RBFOX1: variants seen among roughly 807,000 people sequenced by gnomAD.
The protein encoded by RBFOX1 is RNA binding fox-1 homolog 1.
A neutral mutation model predicts 57.7 loss-of-function variants in RBFOX1; 8 were observed. That is an observed-to-expected ratio of 0.14 (90% CI 0.08 to 0.25). The LOEUF is 0.25. RBFOX1 is among the 10% of genes least tolerant of loss of function. The pLI, the probability that RBFOX1 is intolerant of heterozygous loss-of-function variation, is 1.00. For synonymous variants in RBFOX1, 326 were observed against 222.4 expected, an observed-to-expected ratio of 1.47 and a Z score of -4.15; for missense variants, 611 against 548.5, an observed-to-expected ratio of 1.11 and a Z score of -1.14.
At chr16:7,213,588 C>G (rs1309917225) in intron 4 of RBFOX1, among the ~76,000 whole-genome samples, 1 of 151,806 alleles carries the variant, frequency 6.6e-6, no homozygotes, top group Admixed American at 6.6e-5. Context: ...GGTGGGAAAT[C>G]ATTCCCTTGG....
At chr16:6,934,335 A>G (rs75677044) in intron 3 of RBFOX1, among the ~76,000 whole-genome samples, 115 of 152,340 alleles carry the variant, frequency 7.5e-4, no homozygotes, top group African/African-American at 2.8e-3. Context: ...TTATCAATAC[A>G]GAATACGTAT....
At chr16:5,363,501 T>C (rs2065613286) in intron 1 of RBFOX1, among the ~76,000 whole-genome samples, 1 of 152,180 alleles carries the variant, frequency 6.6e-6, no homozygotes, top group African/African-American at 2.4e-5. Flanking sequence ...AAAAGTCCCA[T>C]GGGCTTCAGG....
intron 4 of RBFOX1, among the ~76,000 whole-genome samples, chr16:5,922,161 G>A (rs923261844): frequency 1.3e-5 from 2 of 151,884 alleles, no homozygotes; most frequent in South Asian, 4.2e-4. Context: ...ACCCTGTCTC[G>A]ACAAAGAAAC....
chr16:5,295,325 C>G (rs1294798543), intron 1 of RBFOX1, among the ~76,000 whole-genome samples: 4 of 152,304 alleles, frequency 2.6e-5, no homozygotes, highest in African/African-American at 9.6e-5. Context: ...TGATGTAAGA[C>G]AGTTTTTATA....
intron 4 of RBFOX1, among the ~76,000 whole-genome samples, chr16:7,341,465 G>T (rs1269351898): frequency 6.6e-6 from 1 of 152,158 alleles, no homozygotes; most frequent in African/African-American, 2.4e-5. Flanking sequence ...CTCAGAGGTT[G>T]CGTAGGGGGG....
intron 1 of RBFOX1, among the ~76,000 whole-genome samples, chr16:6,083,808 A>G (rs7201476): frequency 0.096 from 14,611 of 151,890 alleles, 1,075 homozygotes; most frequent in East Asian, 0.37. Context: ...CTCAACTCCA[A>G]TATAGCCCTT....
intron 3 of RBFOX1, among the ~76,000 whole-genome samples, chr16:5,793,437 T>C (rs1038371452): frequency 6.6e-6 from 1 of 152,256 alleles, no homozygotes; most frequent in Admixed American, 6.5e-5. Flanking sequence ...CCCGTTGGCA[T>C]GGGTGCTGGG....
chr16:7,092,511 C>A (rs575708755), intron 4 of RBFOX1, among the ~76,000 whole-genome samples: 5 of 152,168 alleles, frequency 3.3e-5, no homozygotes, highest in Non-Finnish European at 5.9e-5. Flanking sequence ...AGTGTTCCAG[C>A]GAATGGCGAT....
intron 5 of RBFOX1, among the ~76,000 whole-genome samples, 178 bp downstream of exon 5, chr16:7,518,567 A>G (rs1248779323): frequency 2.6e-5 from 4 of 152,194 alleles, no homozygotes; most frequent in Non-Finnish European, 5.9e-5. Context: ...ATTCATTCTT[A>G]GCGTTCATTT....
At chr16:7,206,679 C>A (rs1218133730) in intron 4 of RBFOX1, among the ~76,000 whole-genome samples, 1 of 152,050 alleles carries the variant, frequency 6.6e-6, no homozygotes, top group Non-Finnish European at 1.5e-5. Flanking sequence ...ATCCTGAAGT[C>A]CTGACAAGCA....
intron 2 of RBFOX1, among the ~76,000 whole-genome samples, chr16:6,384,361 T>C (rs1323982058): frequency 6.6e-6 from 1 of 152,230 alleles, no homozygotes; most frequent in Non-Finnish European, 1.5e-5. Flanking sequence ...AATTGCATTT[T>C]TCCCTGCCCC....
intron 1 of RBFOX1, among the ~76,000 whole-genome samples, chr16:6,114,517 A>C (rs763157181): frequency 2.0e-5 from 3 of 151,884 alleles, no homozygotes; most frequent in Admixed American, 6.6e-5. Flanking sequence ...TTTATTCCTC[A>C]TTTTTCTAAT....
intron 1 of RBFOX1, among the ~76,000 whole-genome samples, chr16:5,396,340 A>AATAG (rs1273092299): frequency 3.3e-5 from 5 of 152,156 alleles, no homozygotes; most frequent in African/African-American, 1.2e-4. Flanking sequence ...TAGGTGGCTG[A>AATAG]ATAGATGAAA....
chr16:7,304,243 A>G (rs2096115111), intron 4 of RBFOX1: 1 of 983,120 alleles, frequency 1.0e-6, no homozygotes, highest in Non-Finnish European at 1.2e-6. Context: ...AGAGAGAGAG[A>G]GAGACAGCGC....
chr16:7,025,500 C>T (rs1389458381), intron 3 of RBFOX1, among the ~76,000 whole-genome samples: 2 of 152,156 alleles, frequency 1.3e-5, no homozygotes, highest in Admixed American at 6.5e-5. Flanking sequence ...TTGTACCCAG[C>T]CCCTATGGAA....
chr16:6,142,008 G>T (rs1315259713), intron 1 of RBFOX1, among the ~76,000 whole-genome samples: 1 of 150,962 alleles, frequency 6.6e-6, no homozygotes, highest in East Asian at 2.0e-4. Flanking sequence ...GCAGTGAGCT[G>T]AGATCATGCC....
chr16:6,604,163 T>C (rs986280862), intron 2 of RBFOX1, among the ~76,000 whole-genome samples: 1 of 151,988 alleles, frequency 6.6e-6, no homozygotes, highest in African/African-American at 2.4e-5. Context: ...CAGTCCAGCT[T>C]TTGAGAGTCA....
chr16:7,580,337 C>T lies in RBFOX1; in HGVS notation c.414+417C>T, dbSNP rs116917605. Among the ~76,000 whole-genome samples the T allele has an allele frequency of 4.4e-3, 674 of 152,134 alleles. 4 individuals carry two copies. Among genetic ancestry groups the T allele is most frequent in the Middle Eastern group, 0.017 (5 of 294 alleles). The stretch of plus-strand genomic sequence containing the variant: ...TCCAGAGGGTGACTCTTAGTGTATC[C>T]CTGCATTGCCTAGTCTTTCCCAGGC... On this transcript the variant is annotated intron_variant, in intron 6 of 15. Transcript: ENST00000550418.
At chr16:5,637,409 G>A (rs1157154725) in intron 3 of RBFOX1, among the ~76,000 whole-genome samples, 1 of 152,130 alleles carries the variant, frequency 6.6e-6, no homozygotes, top group Non-Finnish European at 1.5e-5. Flanking sequence ...TCCCACAGGT[G>A]ACCCATAGCG....
Sources: gnomAD v4.1 joint callset for allele counts (sites outside exome capture counted in the v4.1 genomes callset) on GRCh38, gnomAD v4.1.1 for gene constraint, MANE v1.5 for transcripts, NCBI Gene and HGNC (gene_info 2026-07-23, HGNC 2026-07-21) for gene names.